IGSF3: variants seen among roughly 807,000 people sequenced by gnomAD.
IGSF3 encodes the protein glu-Trp-Ile EWI motif-containing protein 3.
IGSF3 carries 23 observed loss-of-function variants against 114.4 expected under a neutral mutation model. The ratio of observed to expected loss-of-function variants is 0.20; its 90% confidence interval spans 0.14 to 0.28. The LOEUF is 0.28. IGSF3 is among the 10% of genes least tolerant of loss of function. IGSF3 has a pLI of 1.00. For missense variants in IGSF3, 1,172 were observed against 1,591.5 expected, an observed-to-expected ratio of 0.74 and a Z score of 4.48; for synonymous variants, 571 against 645.2, an observed-to-expected ratio of 0.88 and a Z score of 1.74.
intron 7 of IGSF3, among the ~76,000 whole-genome samples, chr1:116,599,212 T>A (rs1411671688): frequency 6.6e-6 from 1 of 152,144 alleles, no homozygotes; most frequent in South Asian, 2.1e-4. Flanking sequence ...GCTCAATAGG[T>A]GCCTATTACC....
intron 7 of IGSF3, among the ~76,000 whole-genome samples, chr1:116,590,066 G>T (rs190479467): frequency 1.3e-5 from 2 of 152,050 alleles, no homozygotes; most frequent in Admixed American, 6.5e-5. Context: ...CTGCGGGCGG[G>T]GGGAGAGGGG....
rs774936689 is a variant in IGSF3, at chr1:116,632,088, G to A, written c.44-15631C>T. Among the ~76,000 whole-genome samples the A allele has an allele frequency of 4.6e-5, 7 of 152,152 alleles. No individual in the cohort carries two copies. The highest frequency in any genetic ancestry group is 5.9e-5 in the Non-Finnish European group (4 of 68,038). Reference sequence around the variant, plus strand: ...AACTTGCACAACTCAACCAGTGAAGGGCTGGGGAAGACTGACAAGTTCACT... The same window carrying A: ...AACTTGCACAACTCAACCAGTGAAGAGCTGGGGAAGACTGACAAGTTCACT... On this transcript the variant is annotated intron_variant, in intron 2 of 10. Transcript: ENST00000369486. This position sits in a 1 kb window ranked among gnomAD's most constrained non-coding sequence, Gnocchi z 5.1.
intron 2 of IGSF3, among the ~76,000 whole-genome samples, chr1:116,656,295 T>C (rs1648844522): frequency 7.1e-5 from 1 of 14,146 alleles, no homozygotes; most frequent in Non-Finnish European, 1.5e-4. Context: ...TCTACATTCT[T>C]TTTTTTTTTT....
intron 5 of IGSF3, chr1:116,606,362 A>C: frequency 8.5e-7 from 1 of 1,175,956 alleles, no homozygotes; most frequent in Non-Finnish European, 1.2e-6. Flanking sequence ...CGAGGATTTG[A>C]GAGGTGGGAG....
At chr1:116,656,660 C>T (rs1332184498) in intron 2 of IGSF3, among the ~76,000 whole-genome samples, 1 of 152,156 alleles carries the variant, frequency 6.6e-6, no homozygotes, top group Non-Finnish European at 1.5e-5. Context: ...CACAGTGGCT[C>T]ACGCCTGTAA....
chr1:116,658,239 C>G (rs1648952142), intron 2 of IGSF3, among the ~76,000 whole-genome samples: 1 of 152,122 alleles, frequency 6.6e-6, no homozygotes, highest in South Asian at 2.1e-4. Flanking sequence ...GGGGTTTCAC[C>G]ATGTTGGTCA....
At chr1:116,653,103 G>A (rs541884132) in intron 2 of IGSF3, among the ~76,000 whole-genome samples, 1 of 152,278 alleles carries the variant, frequency 6.6e-6, no homozygotes, top group South Asian at 2.1e-4. Context: ...AAATCTCTCG[G>A]ATGCAGGCAG....
chr1:116,662,491 G>C lies in IGSF3; in HGVS notation c.43+3793C>G, dbSNP rs534191730. On this transcript the variant is annotated intron_variant, in intron 2 of 10. Transcript: ENST00000369486. This position sits in a 1 kb window ranked among gnomAD's most constrained non-coding sequence, Gnocchi z 4.3. ...GATTGATATAGTTGGGTCACAGTAA[G>C]GGCTAGAGTTAGGAGAGCTGGTATT... Among the ~76,000 whole-genome samples the C allele has an allele frequency of 4.5e-4, 69 of 152,310 alleles. No homozygotes were observed. Among genetic ancestry groups the C allele is most frequent in the African/African-American group, 1.5e-3 (64 of 41,552 alleles).
At chr1:116,643,310 G>A (rs187826566) in intron 2 of IGSF3, among the ~76,000 whole-genome samples, 323 of 152,276 alleles carry the variant, frequency 2.1e-3, no homozygotes, top group African/African-American at 7.3e-3. Context: ...CTCTTCTAAA[G>A]ATCCACCCAA....
Position 116,607,922 on chromosome 1 carries a change from C to T in IGSF3, c.1222+20G>A, listed in dbSNP as rs746366382. ...GATGCTGAGCCAAAGGAGAAGAAAGCAGCACATCTCTCTACTTACTGAGGG... is the reference window on the plus strand; with the variant it reads ...GATGCTGAGCCAAAGGAGAAGAAAGTAGCACATCTCTCTACTTACTGAGGG... On this transcript the variant is annotated intron_variant, in intron 5 of 10. Transcript: ENST00000369486. The surrounding 1 kb of genome is among the most constrained non-coding windows in gnomAD (Gnocchi z 6.1). The T allele has an allele frequency of 1.1e-5, 17 of 1,609,270 alleles. No individual in the cohort carries two copies. The South Asian group carries it at 1.9e-4, about 18-fold the overall frequency.
chr1:116,666,254 T>A, intron 2 of IGSF3, 30 bp downstream of exon 2: 1 of 1,606,572 alleles, frequency 6.2e-7, no homozygotes, highest in Non-Finnish European at 8.5e-7. Context: ...AACTTTCACA[T>A]CGATTGCACT....
rs529920442 is a variant in IGSF3 at position 116,622,942 on chromosome 1, C to A, written c.44-6485G>T. ...GGAAATGATGGGGAATCTATGCAGT[C>A]CCAAGTTAAAAATGGGAACTGAACT... On this transcript the variant is annotated intron_variant, in intron 2 of 10. Transcript: ENST00000369486. 2.6e-5 allele frequency among the ~76,000 whole-genome samples: 4 copies of A among 152,332 alleles called. No individual in the cohort carries two copies. In the South Asian group the frequency reaches 8.3e-4, roughly 32 times the overall value.
At chr1:116,621,620 CA>C (rs1424767861) in intron 2 of IGSF3, among the ~76,000 whole-genome samples, 1 of 151,654 alleles carries the variant, frequency 6.6e-6, no homozygotes, top group East Asian at 1.9e-4. Flanking sequence ...TTTTTTACAT[CA>C]ATATATAACT....
intron 2 of IGSF3, among the ~76,000 whole-genome samples, chr1:116,630,030 C>T (rs1169323983): frequency 6.6e-6 from 1 of 152,200 alleles, no homozygotes; most frequent in Admixed American, 6.5e-5. Context: ...TGCAGGCTGT[C>T]GCTGACTTAC....
chr1:116,594,525 T>C lies in IGSF3; in HGVS notation c.2029+5416A>G, dbSNP rs1660260430. Among the ~76,000 whole-genome samples the C allele has an allele frequency of 6.6e-6, 1 of 152,246 alleles. No individual in the cohort carries two copies. Among genetic ancestry groups the C allele is most frequent in the Non-Finnish European group, 1.5e-5 (1 of 68,030 alleles). On this transcript the variant is annotated intron_variant, in intron 7 of 10. Coordinates refer to ENST00000369486, the MANE Select transcript of IGSF3 (RefSeq NM_001007237.3). The surrounding 1 kb of genome is among the most constrained non-coding windows in gnomAD (Gnocchi z 5.2). ...GCTCAGCACTATTCTAAGCACTTTA[T>C]AAATATTAACTATTTGGTCCTCACC...
At position 116,651,614 on chromosome 1, in the gene IGSF3, T is replaced by C. The variant is rs570296149; in HGVS notation, c.43+14670A>G. Reference sequence around the variant, plus strand: ...ACATGCATTCAACATTCAATACATATTGACTGAGCAACTATTAGGTTGAAC... The same window carrying C: ...ACATGCATTCAACATTCAATACATACTGACTGAGCAACTATTAGGTTGAAC... On this transcript the variant is annotated intron_variant, in intron 2 of 10. Coordinates refer to ENST00000369486, the MANE Select transcript of IGSF3 (RefSeq NM_001007237.3). This position sits in a 1 kb window ranked among gnomAD's most constrained non-coding sequence, Gnocchi z 4.4. Among the ~76,000 whole-genome samples the C allele has an allele frequency of 5.9e-5, 9 of 152,288 alleles. No homozygotes were observed. In the East Asian group the frequency reaches 1.5e-3, roughly 26 times the overall value.
chr1:116,578,710 T>C (rs935796459), intron 10 of IGSF3, among the ~76,000 whole-genome samples: 1 of 152,234 alleles, frequency 6.6e-6, no homozygotes, highest in African/African-American at 2.4e-5. Context: ...TTTAGTCTAA[T>C]GTAGTCCACA....
chr1:116,599,891 C>A (rs537029877), intron 7 of IGSF3, 50 bp downstream of exon 7: 3 of 1,546,246 alleles, frequency 1.9e-6, no homozygotes, highest in Admixed American at 3.5e-5. Flanking sequence ...TTTTCCCTCA[C>A]GTCTGCTCAG....
chr1:116,646,170 C>T lies in IGSF3; in HGVS notation c.43+20114G>A, dbSNP rs139335128. ...TGGGGCCGGAGACAGAAAAAGTCTC[C>T]GTGACACACTGTGATTTGTTTCTGC... On this transcript the variant is annotated intron_variant, in intron 2 of 10. Transcript: ENST00000369486. Among the ~76,000 whole-genome samples the T allele has an allele frequency of 1.3e-4, 20 of 152,298 alleles. No homozygotes were observed. The East Asian group carries it at 1.4e-3, about 10-fold the overall frequency.
Sources: gnomAD v4.1 joint callset for allele counts (sites outside exome capture counted in the v4.1 genomes callset) on GRCh38, gnomAD v4.1.1 for gene constraint, Gnocchi (gnomAD v3.1) non-coding constraint, MANE v1.5 for transcripts, NCBI Gene and HGNC (gene_info 2026-07-23, HGNC 2026-07-21) for gene names.